The following CTIF variants were observed in gnomAD, a reference collection of about 807,000 sequenced individuals.
CTIF encodes the protein cap binding complex dependent translation initiation factor.
A neutral mutation model predicts 66.0 loss-of-function variants in CTIF; 21 were observed. The ratio of observed to expected loss-of-function variants is 0.32; its 90% confidence interval spans 0.23 to 0.46. The LOEUF (loss-of-function observed/expected upper bound fraction) is 0.46, where lower values mean the gene tolerates loss of function less well. CTIF is among the 20% of genes least tolerant of loss of function. The pLI is 1.00. For synonymous variants in CTIF, 345 were observed against 326.4 expected (o/e 1.06, Z -0.62); for missense variants, 739 against 812.7 (o/e 0.91, Z 1.10).
At chr18:48,819,801 C>T (rs2068444944) in intron 10 of CTIF, among the ~76,000 whole-genome samples, 1 of 152,220 alleles carries the variant, frequency 6.6e-6, no homozygotes, top group South Asian at 2.1e-4. Context: ...CAGCAGGGTT[C>T]ACATCCTGGC....
chr18:48,801,037 G>A (rs1298816523), intron 9 of CTIF, among the ~76,000 whole-genome samples: 8 of 152,194 alleles, frequency 5.3e-5, no homozygotes, highest in Non-Finnish European at 1.2e-4. Flanking sequence ...AACACAAGGG[G>A]CCCATCTAGT....
chr18:48,746,470 A>G (rs1019303666), intron 7 of CTIF, among the ~76,000 whole-genome samples: 2 of 150,892 alleles, frequency 1.3e-5, no homozygotes, highest in Non-Finnish European at 3.0e-5. Context: ...GATGGGGAAG[A>G]TCAGGCGCAG....
intron 9 of CTIF, among the ~76,000 whole-genome samples, chr18:48,808,657 T>A (rs1368252481): frequency 6.6e-6 from 1 of 152,216 alleles, no homozygotes; most frequent in East Asian, 1.9e-4. Flanking sequence ...TGAATAATGC[T>A]TCCTTTGCCA....
At chr18:48,706,285 C>A (rs1400937120) in intron 6 of CTIF, among the ~76,000 whole-genome samples, 1 of 152,142 alleles carries the variant, frequency 6.6e-6, no homozygotes, top group Non-Finnish European at 1.5e-5. Context: ...AGTATTGTAT[C>A]CACAGTGCCT....
intron 1 of CTIF, among the ~76,000 whole-genome samples, chr18:48,554,455 C>T (rs2088967198): frequency 1.3e-5 from 2 of 152,192 alleles, no homozygotes; most frequent in South Asian, 2.1e-4. Context: ...GCAGGCACTG[C>T]GATGGAGGCA....
At chr18:48,696,391 G>C (rs1015952052) in intron 6 of CTIF, among the ~76,000 whole-genome samples, 2 of 152,170 alleles carry the variant, frequency 1.3e-5, no homozygotes, top group East Asian at 3.8e-4. Context: ...GTTTGGGCTG[G>C]CCTACCTCCT....
chr18:48,829,389 A>G (rs1202299832), intron 10 of CTIF, among the ~76,000 whole-genome samples: 1 of 152,206 alleles, frequency 6.6e-6, no homozygotes, highest in Non-Finnish European at 1.5e-5. Context: ...AGGGAGGGAC[A>G]GTGACTTACA....
chr18:48,822,310 C>T (rs960297807), intron 10 of CTIF, among the ~76,000 whole-genome samples: 2 of 152,114 alleles, frequency 1.3e-5, no homozygotes, highest in East Asian at 1.9e-4. Flanking sequence ...TTAGGATATC[C>T]ATCACCTCGA....
chr18:48,735,125 A>T (rs932494880), intron 7 of CTIF, among the ~76,000 whole-genome samples: 5 of 152,034 alleles, frequency 3.3e-5, no homozygotes, highest in African/African-American at 9.7e-5. Context: ...GTGATGGCAC[A>T]GTGCAGCCCA....
At position 48,703,751 on chromosome 18, in the gene CTIF, G is replaced by A. The variant is rs552242242; in HGVS notation, c.508-7868G>A. On this transcript the variant is annotated intron_variant, in intron 6 of 11. Transcript: ENST00000256413. ...CTCATTGGGGCAGGGGCAGCAGCCC[G>A]GGGACTCCCCCTCCACCACCACCAC... Among the ~76,000 whole-genome samples the A allele has an allele frequency of 4.3e-4, 66 of 152,268 alleles. 4 individuals carry two copies. The South Asian group carries it at 0.013, about 31-fold the overall frequency.
intron 6 of CTIF, among the ~76,000 whole-genome samples, chr18:48,693,043 A>G (rs2091954459): frequency 6.6e-6 from 1 of 152,226 alleles, no homozygotes; most frequent in Non-Finnish European, 1.5e-5. Flanking sequence ...GAACCAACTG[A>G]TTAGATATTA....
intron 6 of CTIF, among the ~76,000 whole-genome samples, chr18:48,672,372 G>A (rs1159702185): frequency 6.6e-6 from 1 of 152,180 alleles, no homozygotes; most frequent in Admixed American, 6.5e-5. Flanking sequence ...CCAATGCAAT[G>A]TGGGATATTT....
intron 3 of CTIF, among the ~76,000 whole-genome samples, chr18:48,641,363 G>T (rs995457928): frequency 1.3e-5 from 2 of 152,188 alleles, no homozygotes; most frequent in Non-Finnish European, 2.9e-5. Context: ...TTCCCTTGAC[G>T]GAAGGACTTG....
chr18:48,856,933 CAG>C (rs755644604), intron 10 of CTIF, among the ~76,000 whole-genome samples: 4 of 152,182 alleles, frequency 2.6e-5, no homozygotes, highest in Non-Finnish European at 4.4e-5. Context: ...TTAAAAGAGA[CAG>C]AGAGATTGAG....
intron 10 of CTIF, among the ~76,000 whole-genome samples, chr18:48,848,228 A>G (rs1296293024): frequency 2.6e-5 from 4 of 151,848 alleles, no homozygotes; most frequent in Non-Finnish European, 5.9e-5. Context: ...CTCCTGCCCT[A>G]CAATTCTTTC....
intron 6 of CTIF, among the ~76,000 whole-genome samples, chr18:48,694,955 C>T (rs889876680): frequency 6.6e-6 from 1 of 152,234 alleles, no homozygotes; most frequent in Non-Finnish European, 1.5e-5. Context: ...ATCTTTCTTC[C>T]TAATTGGAAA....
chr18:48,712,371 T>C (rs2092234764), intron 7 of CTIF, among the ~76,000 whole-genome samples: 1 of 152,240 alleles, frequency 6.6e-6, no homozygotes, highest in African/African-American at 2.4e-5. Context: ...TGTGTGCATT[T>C]ATTTTCAAAA....
intron 3 of CTIF, among the ~76,000 whole-genome samples, chr18:48,660,896 GCTCT>G (rs1405409287): frequency 2.6e-5 from 4 of 152,198 alleles, no homozygotes; most frequent in African/African-American, 9.6e-5. Flanking sequence ...CTACATAGTT[GCTCT>G]CTCTTTCTAT....
intron 9 of CTIF, among the ~76,000 whole-genome samples, chr18:48,798,235 A>G (rs895042234): frequency 2.0e-5 from 3 of 152,164 alleles, no homozygotes; most frequent in African/African-American, 7.2e-5. Flanking sequence ...GGAACCCTCA[A>G]ATAAGTAGTG....
Sources: gnomAD v4.1 joint callset for allele counts (sites outside exome capture counted in the v4.1 genomes callset) on GRCh38, gnomAD v4.1.1 for gene constraint, MANE v1.5 for transcripts, NCBI Gene and HGNC (gene_info 2026-07-23, HGNC 2026-07-21) for gene names.